The following WDPCP variants were observed in gnomAD, a reference collection of about 807,000 sequenced individuals.
The protein encoded by WDPCP is WD repeat-containing and planar cell polarity effector protein fritz homolog.
Under a neutral mutation model 93.1 loss-of-function variants are expected in WDPCP, and 71 were observed. The ratio of observed to expected loss-of-function variants is 0.76; its 90% CI spans 0.63 to 0.93. The LOEUF (loss-of-function observed/expected upper bound fraction) is 0.93. Ranked by LOEUF, WDPCP falls within the 40% of genes least tolerant of loss-of-function variation. The pLI is 0.00. For synonymous variants in WDPCP, 315 were observed against 315.0 expected, an observed-to-expected ratio of 1.00 and a Z score of 0.00; for missense variants, 844 against 887.4, an observed-to-expected ratio of 0.95 and a Z score of 0.62.
chr2:63,619,880 AG>A (rs1709713532), intron 3 of WDPCP, among the ~76,000 whole-genome samples: 1 of 152,210 alleles, frequency 6.6e-6, no homozygotes, highest in African/African-American at 2.4e-5. Flanking sequence ...AGCAAGCCAA[AG>A]CAGAGTGGGA....
At chr2:63,234,986 G>A (rs1468580002) in intron 14 of WDPCP, among the ~76,000 whole-genome samples, 1 of 152,014 alleles carries the variant, frequency 6.6e-6, no homozygotes, top group Non-Finnish European at 1.5e-5. Flanking sequence ...GACAGAAGAA[G>A]CTAAATAACT....
chr2:63,193,747 A>G (rs1176406692), intron 14 of WDPCP, among the ~76,000 whole-genome samples: 1 of 152,222 alleles, frequency 6.6e-6, no homozygotes, highest in Non-Finnish European at 1.5e-5. Flanking sequence ...TTTTTTTAAA[A>G]AAGTAAACAT....
At chr2:63,171,023 C>T (rs1176659988) in intron 15 of WDPCP, among the ~76,000 whole-genome samples, 1 of 151,582 alleles carries the variant, frequency 6.6e-6, no homozygotes, top group Non-Finnish European at 1.5e-5. Flanking sequence ...TTTCTATGTA[C>T]TACATAATGA....
rs538935370 is a variant in WDPCP at position 63,499,028 on chromosome 2, A to G, written c.76-6088T>C. On this transcript the variant is annotated intron_variant, in intron 1 of 17. Transcript: ENST00000272321. Reference sequence around the variant, plus strand: ...ATCTAAATACCAATTAAATATCACAATTTGAGCACTTTATGTATATGTTTA... The same window carrying G: ...ATCTAAATACCAATTAAATATCACAGTTTGAGCACTTTATGTATATGTTTA... Among the ~76,000 whole-genome samples, 3 of 152,320 alleles carry G rather than the reference A, an allele frequency of 2.0e-5. No individual in the cohort carries two copies. The South Asian group carries it at 6.2e-4, about 32-fold the overall frequency.
At chr2:63,316,389 C>T (rs535440244) in intron 12 of WDPCP, among the ~76,000 whole-genome samples, 7 of 152,118 alleles carry the variant, frequency 4.6e-5, no homozygotes, top group Admixed American at 6.6e-5. Context: ...TAAGGCCGGG[C>T]GCCTATAATC....
intron 2 of WDPCP, among the ~76,000 whole-genome samples, chr2:63,687,909 A>G (rs1247623185): frequency 6.6e-6 from 1 of 152,238 alleles, no homozygotes; most frequent in African/African-American, 2.4e-5. Context: ...AGCACTATTC[A>G]CAATAGCCGA....
intron 3 of WDPCP, among the ~76,000 whole-genome samples, chr2:63,627,803 G>A (rs547180728): frequency 2.6e-5 from 4 of 152,204 alleles, no homozygotes; most frequent in African/African-American, 9.6e-5. Context: ...CAATTTGTTC[G>A]TGGGACCTGA....
intron 14 of WDPCP, among the ~76,000 whole-genome samples, chr2:63,221,758 T>C (rs1289046202): frequency 6.6e-6 from 1 of 152,198 alleles, no homozygotes. Flanking sequence ...GGTCAGGCAT[T>C]GCTATATGTA....
chr2:63,416,527 CT>C (rs761206190), intron 9 of WDPCP, among the ~76,000 whole-genome samples: 1,919 of 58,118 alleles, frequency 0.033, 14 homozygotes, highest in African/African-American at 0.051. Flanking sequence ...ACCAAAAATA[CT>C]TTTTTTTTTT....
At position 63,327,381 on chromosome 2, in the gene WDPCP, C is replaced by T. The variant is rs2104277932; in HGVS notation, c.1749-14070G>A. ...AATCCCAAACTTAAAAGGTTTTCAA[C>T]TAAAGTTTGCTAAAACTTAACAGTG... On this transcript the variant is annotated intron_variant, in intron 12 of 17. Coordinates refer to ENST00000272321, the MANE Select transcript of WDPCP (RefSeq NM_015910.7). Among the ~76,000 whole-genome samples the T allele has an allele frequency of 2.6e-5, 4 of 152,284 alleles. 1 individual carries two copies. The highest frequency in any genetic ancestry group is 5.9e-5 in the Non-Finnish European group (4 of 68,024).
intron 17 of WDPCP, among the ~76,000 whole-genome samples, chr2:63,123,678 A>G (rs1044786632): frequency 1.3e-5 from 2 of 152,022 alleles, no homozygotes; most frequent in Non-Finnish European, 2.9e-5. Flanking sequence ...AAAATAATTT[A>G]TTTTACATTC....
At chr2:63,164,346 T>C (rs1335574098) in intron 15 of WDPCP, among the ~76,000 whole-genome samples, 1 of 152,218 alleles carries the variant, frequency 6.6e-6, no homozygotes, top group East Asian at 1.9e-4. Context: ...AGGTCGGACC[T>C]GGTGGGAGGT....
rs549057317 is a variant in WDPCP, at chr2:63,129,264, C to T, written c.2191-7208G>A. On this transcript the variant is annotated intron_variant, in intron 17 of 17. Transcript: ENST00000272321. The stretch of plus-strand genomic sequence containing the variant: ...CAGGTGTGAAAATATCTGTTCTTGT[C>T]CTTGCTTTCAATTCTTTGGGGTGTA... 1.1e-4 allele frequency among the ~76,000 whole-genome samples: 16 copies of T among 152,240 alleles called. No individual in the cohort carries two copies. The South Asian group carries it at 2.9e-3, about 28-fold the overall frequency.
At chr2:63,486,481 A>G in intron 4 of WDPCP, 61 bp downstream of exon 4, 1 of 1,451,270 alleles carries the variant, frequency 6.9e-7, no homozygotes, top group Admixed American at 2.0e-5. Context: ...CCAGATGAAT[A>G]TTTTATAATA....
At chr2:63,585,520 T>G (rs1575705345) in intron 1 of WDPCP, among the ~76,000 whole-genome samples, 1 of 152,210 alleles carries the variant, frequency 6.6e-6, no homozygotes, top group African/African-American at 2.4e-5. Context: ...TAAATAATCC[T>G]ATTTTCAATC....
intron 1 of WDPCP, among the ~76,000 whole-genome samples, chr2:63,570,723 CTTTAA>C (rs1320206349): frequency 7.2e-5 from 11 of 152,074 alleles, no homozygotes; most frequent in South Asian, 2.1e-4. Context: ...TTGACAAATA[CTTTAA>C]TTTAGTTTAT....
intron 6 of WDPCP, chr2:63,478,003 T>G (rs181461317): frequency 5.9e-5 from 9 of 152,168 alleles, no homozygotes; most frequent in Non-Finnish European, 1.2e-4. Context: ...TTGTAACAAT[T>G]TCAACCAAAT....
Position 63,575,430 on chromosome 2 carries a change from G to A in WDPCP, c.75+12767C>T, listed in dbSNP as rs1394152353. Reference sequence around the variant, plus strand: ...ATACAGTATATACACTGTATACAGTGTATATACAGTGTATACACTGTATAT... The same window carrying A: ...ATACAGTATATACACTGTATACAGTATATATACAGTGTATACACTGTATAT... On this transcript the variant is annotated intron_variant, in intron 1 of 17. Transcript: ENST00000272321. Among the ~76,000 whole-genome samples, 14 of 93,464 alleles carry A rather than the reference G, an allele frequency of 1.5e-4. 1 individual carries two copies. Among genetic ancestry groups the A allele is most frequent in the African/African-American group, 4.9e-4 (9 of 18,540 alleles). The allele number at this position is 93,464 out of a possible 152,430, so 61.3% of individuals were successfully genotyped here.
At chr2:63,245,835 G>A (rs778906169) in intron 14 of WDPCP, among the ~76,000 whole-genome samples, 3 of 151,958 alleles carry the variant, frequency 2.0e-5, no homozygotes, top group Non-Finnish European at 4.4e-5. Flanking sequence ...TTCGATATAG[G>A]GATAAAATAT....
Sources: gnomAD v4.1 joint callset for allele counts (sites outside exome capture counted in the v4.1 genomes callset) on GRCh38, gnomAD v4.1.1 for gene constraint, MANE v1.5 for transcripts, NCBI Gene and HGNC (gene_info 2026-07-23, HGNC 2026-07-21) for gene names.